Variants in RAB3GAP2 observed in about 807,000 individuals in gnomAD.
RAB3GAP2 encodes the protein RAB3 GTPase activating non-catalytic protein subunit 2, also known as rab3 GTPase-activating protein non-catalytic subunit.
A neutral mutation model predicts 185.3 loss-of-function variants in RAB3GAP2; 87 were observed. The ratio of observed to expected loss-of-function variants is 0.47; its 90% confidence interval spans 0.39 to 0.56. The LOEUF is 0.56. Among genes scored for constraint, RAB3GAP2 ranks in the 20% least tolerant of loss-of-function variants. The pLI is 0.00. For synonymous variants in RAB3GAP2, 554 were observed against 576.1 expected, an observed-to-expected ratio of 0.96 and a Z score of 0.55; for missense variants, 1,492 against 1,638.2, an observed-to-expected ratio of 0.91 and a Z score of 1.54.
At position 220,157,798 on chromosome 1, in the gene RAB3GAP2, T is replaced by C. The variant is rs759825608; in HGVS notation, c.3336+4A>G. On this transcript the variant is annotated splice_donor_region_variant and intron_variant, in intron 30 of 34. Transcript: ENST00000358951. ...GTTCAGAATGAAAAATACACCTCTT[T>C]TACCTCCATTAAGATCTGAAGAAGA... The C allele has an allele frequency of 6.2e-7, 1 of 1,605,468 alleles. No individual in the cohort carries two copies. Among genetic ancestry groups the C allele is most frequent in the East Asian group, 2.2e-5 (1 of 44,816 alleles).
At chr1:220,189,662 ATAGCTAC>A (rs780993023) in intron 17 of RAB3GAP2, 34 bp downstream of exon 17, 11 of 1,530,138 alleles carry the variant, frequency 7.2e-6, no homozygotes, top group Non-Finnish European at 9.8e-6. Context: ...AGGATGTATT[ATAGCTAC>A]TAGCAGGAAA....
chr1:220,187,667 C>T (rs1275116331), intron 17 of RAB3GAP2, among the ~76,000 whole-genome samples: 1 of 151,988 alleles, frequency 6.6e-6, no homozygotes, highest in Non-Finnish European at 1.5e-5. Flanking sequence ...GATAGCTGAA[C>T]GTGTAGAGGT....
rs1043492060 is a variant in RAB3GAP2, at chr1:220,157,446, T to C, written c.3379A>G (p.Thr1127Ala). The C allele has an allele frequency of 5.6e-6, 9 of 1,613,822 alleles. No individual in the cohort carries two copies. The East Asian group carries it at 8.9e-5, about 16-fold the overall frequency. Residue 1127 changes from threonine to alanine, a missense_variant, in exon 31 of 35, where the codon ACT becomes GCT. Coordinates refer to ENST00000358951, the MANE Select transcript of RAB3GAP2 (RefSeq NM_012414.4). ...TCCACGGAGAGCCACGCATCCTCAG[T>C]ATCCAGCACAGGCACCTGTATTTCA... ...RDEIQVPVLD[T>A]EDAWLSVEGP...
In RAB3GAP2 at chr1:220,190,165, C is replaced by T; in HGVS notation, c.1632-19G>A. On this transcript the variant is annotated intron_variant, in intron 15 of 34. Transcript: ENST00000358951. ...CTTATCACTAAACCAATAAATATAA[C>T]AAATTATTACAGAATGTGAAATTAT... is the stretch of plus-strand genomic sequence containing the variant. 1 of 1,584,664 alleles carries T rather than the reference C, an allele frequency of 6.3e-7. No individual in the cohort carries two copies. Among genetic ancestry groups the T allele is most frequent in the Non-Finnish European group, 8.7e-7 (1 of 1,153,682 alleles).
chr1:220,210,305 T>G, intron 7 of RAB3GAP2, 83 bp downstream of exon 7: 1 of 997,444 alleles, frequency 1.0e-6, no homozygotes, highest in Non-Finnish European at 1.6e-6. Flanking sequence ...AAGATCTCTT[T>G]TAAGTTTCTA....
rs191309294 is a variant in RAB3GAP2, at chr1:220,158,689, C to G, written c.3261+697G>C. Among the ~76,000 whole-genome samples, 231 of 152,276 alleles carry G rather than the reference C, an allele frequency of 1.5e-3. 2 individuals carry two copies. Among genetic ancestry groups the G allele is most frequent in the African/African-American group, 5.5e-3 (227 of 41,552 alleles). ...CTCCTGACCTCAGGTGATCCACCAG[C>G]CTCGCCTTTCCAAAGTGCTAGGATT... is the stretch of plus-strand genomic sequence containing the variant. On this transcript the variant is annotated intron_variant, in intron 29 of 34. Coordinates refer to ENST00000358951, the MANE Select transcript of RAB3GAP2 (RefSeq NM_012414.4). This position sits in a 1 kb window ranked among gnomAD's most constrained non-coding sequence, Gnocchi z 4.3.
intron 33 of RAB3GAP2, 77 bp downstream of exon 33, chr1:220,153,108 G>A: frequency 1.8e-6 from 2 of 1,131,206 alleles, no homozygotes; most frequent in East Asian, 4.7e-5. Flanking sequence ...GGCTTCATTG[G>A]AAACTTAACT....
chr1:220,217,978 G>T (rs1444649477), intron 2 of RAB3GAP2, among the ~76,000 whole-genome samples: 1 of 152,098 alleles, frequency 6.6e-6, no homozygotes, highest in Non-Finnish European at 1.5e-5. Context: ...CATGAATTTT[G>T]TCCCAAAAGG....
intron 7 of RAB3GAP2, among the ~76,000 whole-genome samples, chr1:220,207,049 C>T (rs559667216): frequency 6.6e-6 from 1 of 152,258 alleles, no homozygotes; most frequent in East Asian, 1.9e-4. Flanking sequence ...GCCTGTTACA[C>T]CAATGAATCC....
intron 33 of RAB3GAP2, among the ~76,000 whole-genome samples, chr1:220,152,732 TC>T (rs1657785234): frequency 6.6e-6 from 1 of 152,184 alleles, no homozygotes. Flanking sequence ...AATATTTTTT[TC>T]CTTTTTAGAG....
At chr1:220,151,794 A>G (rs374281300) in intron 33 of RAB3GAP2, 30 bp from the exon 34 acceptor site, 1 of 1,564,488 alleles carries the variant, frequency 6.4e-7, no homozygotes, top group Non-Finnish European at 8.8e-7. Context: ...GAAATAATAC[A>G]GTCAGAGTGA....
intron 1 of RAB3GAP2, among the ~76,000 whole-genome samples, chr1:220,245,814 G>T (rs1659800332): frequency 2.6e-5 from 4 of 152,340 alleles, no homozygotes; most frequent in African/African-American, 9.6e-5. Context: ...CAAGCAGCTG[G>T]AGATCTGAGA....
Position 220,254,093 on chromosome 1 carries a change from T to C in RAB3GAP2, c.115+18130A>G, listed in dbSNP as rs1217313016. ...TGGCTTGTTGATGACTGGGACTTAA[T>C]TACCAGGCAAAAACAGCTCTTTTAT... On this transcript the variant is annotated intron_variant, in intron 1 of 34. Coordinates refer to ENST00000358951, the MANE Select transcript of RAB3GAP2 (RefSeq NM_012414.4). The C allele has an allele frequency of 1.1e-5, 18 of 1,613,788 alleles. No individual in the cohort carries two copies. The East Asian group carries it at 2.2e-4, about 20-fold the overall frequency.
At chr1:220,246,343 A>C (rs1260179375) in intron 1 of RAB3GAP2, among the ~76,000 whole-genome samples, 1 of 150,792 alleles carries the variant, frequency 6.6e-6, no homozygotes, top group Non-Finnish European at 1.5e-5. Flanking sequence ...TAGTTCAACC[A>C]TTGTGGAAGT....
intron 9 of RAB3GAP2, chr1:220,200,566 T>G: frequency 1.9e-6 from 1 of 529,346 alleles, no homozygotes. Flanking sequence ...TGGGGATAAA[T>G]GAATAGAATA....
At chr1:220,254,284 A>AGAC (rs1659993975) in intron 1 of RAB3GAP2, 1 of 1,613,464 alleles carries the variant, frequency 6.2e-7, no homozygotes, top group African/African-American at 1.3e-5. Context: ...TAAATTTGAG[A>AGAC]GACCACAGTA....
rs748154558 is a variant in RAB3GAP2, at chr1:220,167,536, T to C, written c.2946A>G (p.Val982=). The C allele has an allele frequency of 5.7e-5, 92 of 1,614,080 alleles. No homozygotes were observed. The highest frequency in any genetic ancestry group is 4.7e-5 in the Non-Finnish European group (56 of 1,180,026). ...CTCCTAAGTCCATCTCCATCTCTGA[T>C]ACCTCAAGGAAACTTCTGTTAACAC... is the stretch of plus-strand genomic sequence containing the variant. The part of the protein sequence containing the change: ...KEGVNRSFLE[V]SEMEMDLGAI... Residue 982 remains valine (V), a synonymous_variant, in exon 25 of 35, where the codon GTA becomes GTG. Coordinates refer to ENST00000358951, the MANE Select transcript of RAB3GAP2 (RefSeq NM_012414.4).
chr1:220,173,614 C>T (rs1255949802), intron 21 of RAB3GAP2, among the ~76,000 whole-genome samples: 6 of 152,164 alleles, frequency 3.9e-5, no homozygotes, highest in Non-Finnish European at 7.3e-5. Context: ...GTGATAAGTA[C>T]GTGACATGCA....
chr1:220,182,110 T>C, intron 21 of RAB3GAP2, 147 bp downstream of exon 21: 1 of 1,311,920 alleles, frequency 7.6e-7, no homozygotes, highest in Non-Finnish European at 1.0e-6. Flanking sequence ...AATATGGTGA[T>C]TAAAATTTTC....
Sources: gnomAD v4.1 joint callset for allele counts (sites outside exome capture counted in the v4.1 genomes callset) on GRCh38, gnomAD v4.1.1 for gene constraint, Gnocchi (gnomAD v3.1) non-coding constraint, MANE v1.5 for transcripts, NCBI Gene and HGNC (gene_info 2026-07-23, HGNC 2026-07-21) for gene names.